The following VPS41 variants were observed in gnomAD, a reference collection of about 807,000 sequenced individuals.
VPS41 encodes the protein vacuolar protein sorting-associated protein 41 homolog.
VPS41 carries 85 observed loss-of-function variants against 130.9 expected under a neutral mutation model. That is an observed-to-expected ratio of 0.65 (90% CI 0.55 to 0.78). VPS41 has a LOEUF of 0.78. Ranked by LOEUF, VPS41 falls within the 30% of genes least tolerant of loss-of-function variation. The pLI is 0.00. For missense variants in VPS41, 874 were observed against 1,018.7 expected (o/e 0.86, Z 1.93); for synonymous variants, 335 against 332.9 (o/e 1.01, Z -0.07).
At chr7:38,829,973 GA>G (rs1785355582) in intron 5 of VPS41, among the ~76,000 whole-genome samples, 1 of 152,212 alleles carries the variant, frequency 6.6e-6, no homozygotes, top group Non-Finnish European at 1.5e-5. Flanking sequence ...CACTGAAGCA[GA>G]AGTGGCACGG....
chr7:38,908,183 A>G (rs1226662057), intron 1 of VPS41, among the ~76,000 whole-genome samples: 1 of 151,752 alleles, frequency 6.6e-6, no homozygotes, highest in Admixed American at 6.6e-5. Flanking sequence ...GTCACTGTTT[A>G]GAGACAATGA....
At chr7:38,852,477 T>C (rs1321032495) in intron 4 of VPS41, among the ~76,000 whole-genome samples, 1 of 152,240 alleles carries the variant, frequency 6.6e-6, no homozygotes, top group East Asian at 1.9e-4. Flanking sequence ...ATTGGGTTGA[T>C]ACCTAGCCCA....
intron 2 of VPS41, among the ~76,000 whole-genome samples, chr7:38,885,446 A>G (rs117204553): frequency 0.014 from 2,124 of 152,302 alleles, 22 homozygotes; most frequent in Non-Finnish European, 0.021. Flanking sequence ...CCTACAGAAA[A>G]TGATCACATT....
At chr7:38,747,031 T>A (rs1026443241) in intron 22 of VPS41, among the ~76,000 whole-genome samples, 10 of 152,154 alleles carry the variant, frequency 6.6e-5, no homozygotes, top group Admixed American at 2.0e-4. Context: ...GCCACAATTA[T>A]TTTGGGATTT....
chr7:38,802,061 T>A (rs575873591), intron 7 of VPS41, among the ~76,000 whole-genome samples: 2 of 152,350 alleles, frequency 1.3e-5, no homozygotes, highest in South Asian at 4.1e-4. Context: ...GCATGTAATG[T>A]CAGTCTATTT....
chr7:38,900,288 T>A, intron 1 of VPS41, among the ~76,000 whole-genome samples: 1 of 151,952 alleles, frequency 6.6e-6, no homozygotes, highest in East Asian at 1.9e-4. Flanking sequence ...AACAAAATTA[T>A]CTTAAGTGAA....
chr7:38,750,855 A>T (rs1031893713), intron 22 of VPS41, among the ~76,000 whole-genome samples: 3 of 152,174 alleles, frequency 2.0e-5, no homozygotes, highest in African/African-American at 4.8e-5. Context: ...TCAATGGGAG[A>T]CTTCAGGAGA....
chr7:38,822,524 G>A (rs1294965441), intron 5 of VPS41, among the ~76,000 whole-genome samples: 1 of 152,176 alleles, frequency 6.6e-6, no homozygotes, highest in Non-Finnish European at 1.5e-5. Context: ...CTTTGCCACT[G>A]CTGGGTATTA....
chr7:38,795,739 CA>C, intron 8 of VPS41, 128 bp from the exon 9 acceptor site: 1 of 790,298 alleles, frequency 1.3e-6, no homozygotes, highest in Non-Finnish European at 1.9e-6. Context: ...ACTGAGCATG[CA>C]AGGAAAATGC....
intron 7 of VPS41, among the ~76,000 whole-genome samples, chr7:38,806,543 C>G (rs1041938734): frequency 1.3e-5 from 2 of 152,146 alleles, no homozygotes; most frequent in African/African-American, 2.4e-5. Flanking sequence ...TTACTCTAAA[C>G]ATTCCTTTAC....
At chr7:38,732,518 T>C (rs891618036) in intron 25 of VPS41, among the ~76,000 whole-genome samples, 2 of 152,230 alleles carry the variant, frequency 1.3e-5, no homozygotes, top group Non-Finnish European at 2.9e-5. Context: ...TGAAAAATTC[T>C]TTGGATATTT....
In VPS41 at chr7:38,897,644, C is replaced by CAA. The variant is rs11355680; in HGVS notation, c.60+445_60+446dup. Among the ~76,000 whole-genome samples, 872 of 97,756 alleles carry CAA rather than the reference C, an allele frequency of 8.9e-3. 7 individuals are homozygous for CAA. The highest frequency in any genetic ancestry group is 0.024 in the South Asian group (71 of 3,000). 64.1% of individuals were successfully genotyped at this position (97,756 alleles called of 152,430 possible). On this transcript the variant is annotated intron_variant, in intron 2 of 28. Transcript: ENST00000310301. ...TGGGCAACAGAGCGAGACTCCGTCT[C>CAA]AAAAAAAAAAAAAAAAAAGAAGCAA... is the stretch of plus-strand genomic sequence containing the variant.
chr7:38,896,463 C>T (rs1001963113), intron 2 of VPS41, among the ~76,000 whole-genome samples: 3 of 152,216 alleles, frequency 2.0e-5, no homozygotes, highest in Non-Finnish European at 4.4e-5. Flanking sequence ...ACCCATGGCC[C>T]GCAGGCCACA....
chr7:38,762,298 A>G (rs573471552), intron 17 of VPS41, among the ~76,000 whole-genome samples: 20 of 152,368 alleles, frequency 1.3e-4, no homozygotes, highest in African/African-American at 4.8e-4. Flanking sequence ...GAGCAAAGTT[A>G]TAGAAAACCT....
Position 38,869,226 on chromosome 7 carries a change from G to C in VPS41, c.88C>G (p.Leu30Val). 1 of 1,612,256 alleles carries C rather than the reference G, an allele frequency of 6.2e-7. No homozygotes were observed. Residue 30 changes from leucine to valine, a missense_variant, in exon 3 of 29, where the codon CTG (leucine) becomes GTG (valine). Physicochemically the swap from Leu to Val is conservative, Grantham distance 32. Transcript: ENST00000310301. Reference sequence around the variant, plus strand: ...CCATTGGAAAGCCTTTCATACTTCAGCTTGGGTTCCTCTTCGCTCTCTTCT... The same window carrying C: ...CCATTGGAAAGCCTTTCATACTTCACCTTGGGTTCCTCTTCGCTCTCTTCT... ...EEEESEEEPKLKYERLSNGVT... is the reference protein window; with the variant it reads ...EEEESEEEPKVKYERLSNGVT...
chr7:38,816,106 T>C (rs966945018), intron 7 of VPS41, among the ~76,000 whole-genome samples: 7 of 152,052 alleles, frequency 4.6e-5, no homozygotes, highest in African/African-American at 1.7e-4. Flanking sequence ...CAAAGACAAG[T>C]AAGGTAGTTA....
intron 4 of VPS41, chr7:38,831,423 A>G (rs969262737): frequency 9.1e-6 from 3 of 328,716 alleles, no homozygotes; most frequent in South Asian, 5.2e-5. Context: ...TAGTACTGGA[A>G]AGCATACAGA....
At chr7:38,844,980 T>C (rs1156402976) in intron 4 of VPS41, among the ~76,000 whole-genome samples, 2 of 152,202 alleles carry the variant, frequency 1.3e-5, no homozygotes, top group Non-Finnish European at 2.9e-5. Flanking sequence ...CGGAACGGCC[T>C]TTCCACCTAC....
intron 25 of VPS41, among the ~76,000 whole-genome samples, chr7:38,739,670 G>C (rs549108058): frequency 6.6e-6 from 1 of 152,228 alleles, no homozygotes; most frequent in Admixed American, 6.5e-5. Flanking sequence ...AGCTCCAGTG[G>C]GGACTCCAGA....
Sources: allele counts gnomAD v4.1 joint callset (sites outside exome capture counted in the v4.1 genomes callset), GRCh38; gene constraint gnomAD v4.1.1; transcripts MANE v1.5; gene names NCBI Gene and HGNC (gene_info 2026-07-23, HGNC 2026-07-21).